MYO9A: variants seen among roughly 807,000 people sequenced by gnomAD.
MYO9A encodes the protein myosin IXA.
In MYO9A, 103 loss-of-function variants were observed where a neutral mutation model predicts 293.3. The ratio of observed to expected loss-of-function variants is 0.35; its 90% CI spans 0.30 to 0.41. The LOEUF (loss-of-function observed/expected upper bound fraction) is 0.41. Among genes scored for constraint, MYO9A ranks in the 10% least tolerant of loss-of-function variants. The probability of loss-of-function intolerance (pLI) is 1.00; values close to 1 mark genes in which losing one functional copy is unlikely to be tolerated. For synonymous variants in MYO9A, 1,001 were observed against 1,035.7 expected (o/e 0.97, Z 0.64); for missense variants, 2,685 against 3,033.0 (o/e 0.89, Z 2.69).
intron 2 of MYO9A, among the ~76,000 whole-genome samples, chr15:72,042,122 A>C (rs928853839): frequency 6.6e-6 from 1 of 151,358 alleles, no homozygotes; most frequent in Non-Finnish European, 1.5e-5. Flanking sequence ...CAAAAGATTG[A>C]ATGCAAAAAA....
intron 27 of MYO9A, 68 bp from the exon 28 acceptor site, chr15:71,883,804 C>T: frequency 1.5e-6 from 2 of 1,358,338 alleles, no homozygotes; most frequent in Non-Finnish European, 2.0e-6. Flanking sequence ...GTATATATCA[C>T]TTTAAGCTTT....
At chr15:71,874,714 A>G (rs1359601025) in intron 32 of MYO9A, among the ~76,000 whole-genome samples, 2 of 152,204 alleles carry the variant, frequency 1.3e-5, no homozygotes, top group Non-Finnish European at 2.9e-5. Context: ...TGAAATGGTA[A>G]GGTATTCAAA....
chr15:71,836,335 A>G (rs2054940654), intron 39 of MYO9A, among the ~76,000 whole-genome samples: 5 of 152,192 alleles, frequency 3.3e-5, no homozygotes, highest in Admixed American at 2.6e-4. Flanking sequence ...TAACACACCC[A>G]TCAGAATAGC....
intron 27 of MYO9A, among the ~76,000 whole-genome samples, chr15:71,886,773 T>C (rs1297059847): frequency 6.6e-6 from 1 of 152,148 alleles, no homozygotes; most frequent in African/African-American, 2.4e-5. Context: ...TTTGTCATTT[T>C]AGCAATTGTG....
At chr15:71,838,042 G>A (rs902249301) in intron 39 of MYO9A, among the ~76,000 whole-genome samples, 1 of 151,898 alleles carries the variant, frequency 6.6e-6, no homozygotes, top group Non-Finnish European at 1.5e-5. Flanking sequence ...TACCACCAGT[G>A]TGTCACAGAG....
chr15:72,066,343 G>T (rs1050587034), intron 1 of MYO9A, among the ~76,000 whole-genome samples: 1 of 152,000 alleles, frequency 6.6e-6, no homozygotes, highest in Non-Finnish European at 1.5e-5. Context: ...ATAATTAGCC[G>T]GGCGTGGTGG....
chr15:71,936,400 T>C (rs2058645158), intron 16 of MYO9A, among the ~76,000 whole-genome samples: 2 of 152,068 alleles, frequency 1.3e-5, no homozygotes, highest in South Asian at 4.1e-4. Context: ...TAAATTGTGG[T>C]CCTCTATTGC....
chr15:72,105,292 T>C (rs1162685749), intron 1 of MYO9A, among the ~76,000 whole-genome samples: 1 of 152,120 alleles, frequency 6.6e-6, no homozygotes, highest in Non-Finnish European at 1.5e-5. Flanking sequence ...ATGATCATTA[T>C]GGCTCAGTGT....
Position 71,827,947 on chromosome 15 carries a change from C to G in MYO9A, c.7120G>C (p.Gly2374Arg), listed in dbSNP as rs745869795. The stretch of plus-strand genomic sequence containing the variant: ...AAATTCTCTGAGCTATCAGCAGTCC[C>G]AATGGAGGCCTCAGACTCAAGGGTT... ...DETLESEASIGTADSSENLNM... is the reference protein window; with the variant it reads ...DETLESEASIRTADSSENLNM... Residue 2374 changes from glycine (G) to arginine (R), a missense_variant, in exon 41 of 42, where the codon GGG becomes CGG. By Grantham distance (125) the Gly-to-Arg change is moderately radical (BLOSUM62 -2). Coordinates refer to ENST00000356056, the MANE Select transcript of MYO9A (RefSeq NM_006901.4). 1.2e-6 allele frequency: 2 copies of G among 1,613,836 alleles called. No homozygotes were observed. The highest frequency in any genetic ancestry group is 3.3e-5 in the Admixed American group (2 of 59,998).
Position 71,901,264 on chromosome 15 carries a change from A to C in MYO9A, c.3077T>G (p.Leu1026Trp). ...HQEVLRRIIL[L>W]QRWFRVLLCR... is the part of the protein sequence containing the mutation. ...CAGCAAGACCCTGAACCATCGCTGC[A>C]ACAATATGATTCTGCGGAGCACCTC... is the stretch of plus-strand genomic sequence containing the variant. The change falls in exon 23 of 42, where the codon TTG becomes TGG. Residue 1026 changes from leucine to tryptophan, a missense_variant. Around this residue, in one of 10 missense-constraint regions of MYO9A, gnomAD observed 1,434 missense variants for 1,497.7 expected, o/e 0.96. Coordinates refer to ENST00000356056, the MANE Select transcript of MYO9A (RefSeq NM_006901.4). 1 of 1,614,094 alleles carries C rather than the reference A, an allele frequency of 6.2e-7. No individual in the cohort carries two copies. Among genetic ancestry groups the C allele is most frequent in the Non-Finnish European group, 8.5e-7 (1 of 1,180,000 alleles).
At chr15:72,027,824 A>G (rs2077718844) in intron 3 of MYO9A, 31 bp from the exon 4 acceptor site, 1 of 1,485,690 alleles carries the variant, frequency 6.7e-7, no homozygotes, top group South Asian at 1.2e-5. Flanking sequence ...GTTGATATAA[A>G]TAATAAAGTT....
At chr15:71,955,599 T>G (rs1357348873) in intron 14 of MYO9A, among the ~76,000 whole-genome samples, 4 of 152,228 alleles carry the variant, frequency 2.6e-5, no homozygotes, top group Admixed American at 1.3e-4. Flanking sequence ...TCATCCATTC[T>G]TCCACTGATG....
At chr15:71,883,466 T>C in intron 28 of MYO9A, 128 bp downstream of exon 28, 2 of 980,388 alleles carry the variant, frequency 2.0e-6, no homozygotes, top group Non-Finnish European at 2.9e-6. Context: ...GATTTAACAA[T>C]GCTGGTCCTA....
intron 35 of MYO9A, among the ~76,000 whole-genome samples, chr15:71,852,516 G>A (rs1314901045): frequency 1.3e-5 from 2 of 151,812 alleles, no homozygotes; most frequent in South Asian, 4.2e-4. Context: ...GGCATGCGCC[G>A]CCACGCTTAG....
intron 33 of MYO9A, among the ~76,000 whole-genome samples, chr15:71,861,961 T>A (rs1171901384): frequency 6.6e-6 from 1 of 152,020 alleles, no homozygotes; most frequent in African/African-American, 2.4e-5. Context: ...CAAAACCCTG[T>A]CTCTACTAAA....
chr15:72,039,930 C>A, intron 2 of MYO9A: 1 of 181,436 alleles, frequency 5.5e-6, no homozygotes, highest in South Asian at 1.3e-4. Context: ...CCTCTGTGAT[C>A]TCCAGGTCCT....
At chr15:71,851,712 C>A (rs1488283767) in intron 36 of MYO9A, among the ~76,000 whole-genome samples, 1 of 152,106 alleles carries the variant, frequency 6.6e-6, no homozygotes. Context: ...TTATCAATAT[C>A]CTACGCACTT....
rs76202273 is a variant in MYO9A, at chr15:71,840,542, T to C, written c.6837+8303A>G. ...TGAAACAATATATGAATAGATTAATTTAGAAGAACTGACACCATTACAAAA... is the reference window on the plus strand; with the variant it reads ...TGAAACAATATATGAATAGATTAATCTAGAAGAACTGACACCATTACAAAA... On this transcript the variant is annotated intron_variant, in intron 39 of 41. Coordinates refer to ENST00000356056, the MANE Select transcript of MYO9A (RefSeq NM_006901.4). Among the ~76,000 whole-genome samples, 20 of 152,340 alleles carry C rather than the reference T, an allele frequency of 1.3e-4. 1 individual carries two copies. The East Asian group carries it at 3.7e-3, about 28-fold the overall frequency.
chr15:71,942,601 TC>T (rs2058806607), intron 15 of MYO9A, among the ~76,000 whole-genome samples: 1 of 152,026 alleles, frequency 6.6e-6, no homozygotes, highest in South Asian at 2.1e-4. Flanking sequence ...CTTCTTTTGT[TC>T]CACAAATTGT....
Sources: gnomAD v4.1 joint callset for allele counts (sites outside exome capture counted in the v4.1 genomes callset) on GRCh38, gnomAD v4.1.1 for gene constraint, gnomAD v4.1.1 regional missense constraint, MANE v1.5 for transcripts, NCBI Gene and HGNC (gene_info 2026-07-23, HGNC 2026-07-21) for gene names.